Variants in ADGRL3 observed in about 807,000 individuals in gnomAD.
ADGRL3 encodes calcium-independent alpha-latrotoxin receptor 3.
Under a neutral mutation model 153.5 loss-of-function variants are expected in ADGRL3, and 62 were observed. The observed-to-expected ratio is 0.40, with a 90% confidence interval of 0.33 to 0.50. The LOEUF (loss-of-function observed/expected upper bound fraction) is 0.50, where lower values mean the gene tolerates loss of function less well. Ranked by LOEUF, ADGRL3 falls within the 20% of genes least tolerant of loss-of-function variation. ADGRL3 has a pLI of 0.47. For missense variants in ADGRL3, 1,641 were observed against 1,859.4 expected, an observed-to-expected ratio of 0.88 and a Z score of 2.16; for synonymous variants, 710 against 672.5, an observed-to-expected ratio of 1.06 and a Z score of -0.86.
intron 4 of ADGRL3, among the ~76,000 whole-genome samples, chr4:61,551,910 T>C (rs894462208): frequency 2.6e-5 from 4 of 152,198 alleles, no homozygotes; most frequent in African/African-American, 7.2e-5. Context: ...ACATATATTG[T>C]ATAAGACGCT....
intron 13 of ADGRL3, among the ~76,000 whole-genome samples, chr4:61,926,590 G>A (rs973608025): frequency 1.3e-5 from 2 of 152,106 alleles, no homozygotes; most frequent in Admixed American, 6.5e-5. Flanking sequence ...TAACTTCCCT[G>A]AGTCTCAATA....
chr4:61,346,621 A>G (rs960665069), intron 1 of ADGRL3, among the ~76,000 whole-genome samples: 8 of 151,540 alleles, frequency 5.3e-5, no homozygotes, highest in African/African-American at 1.7e-4. Flanking sequence ...TAGAAAAAAA[A>G]AAAAATAGCC....
intron 8 of ADGRL3, among the ~76,000 whole-genome samples, chr4:61,764,794 G>C (rs1381206895): frequency 6.6e-6 from 1 of 151,944 alleles, no homozygotes. Flanking sequence ...GAGAATGGTC[G>C]ATGTTTCTCA....
intron 4 of ADGRL3, among the ~76,000 whole-genome samples, chr4:61,542,804 A>T (rs920677265): frequency 3.9e-5 from 6 of 152,174 alleles, no homozygotes; most frequent in African/African-American, 1.4e-4. Context: ...CCTTCACCTC[A>T]CATCCTCTCT....
At chr4:62,035,095 C>T (rs1279512965) in intron 23 of ADGRL3, among the ~76,000 whole-genome samples, 1 of 151,916 alleles carries the variant, frequency 6.6e-6, no homozygotes, top group African/African-American at 2.4e-5. Context: ...GTTTCCTGGA[C>T]ATGGTCCATG....
chr4:61,442,893 A>G (rs940402821), intron 2 of ADGRL3, among the ~76,000 whole-genome samples: 10 of 152,134 alleles, frequency 6.6e-5, no homozygotes, highest in Admixed American at 6.5e-4. Flanking sequence ...TGATGGCCAG[A>G]AAGAGAGAGT....
In ADGRL3 at chr4:61,497,153, T is replaced by G. The variant is rs2098329046; in HGVS notation, c.-141T>G. ...ATTTGGGATATTGGTGTTTCTGTTT[T>G]GGAGAAATTATTCTTTTTCTTTTTA... is the stretch of plus-strand genomic sequence containing the variant. On this transcript the variant is annotated 5_prime_UTR_variant, in exon 3 of 27. Coordinates refer to ENST00000683033, the MANE Select transcript of ADGRL3 (RefSeq NM_001387552.1). 5 of 611,016 alleles carry G rather than the reference T, an allele frequency of 8.2e-6. No homozygotes were observed. Among genetic ancestry groups the G allele is most frequent in the Non-Finnish European group, 1.4e-5 (5 of 354,244 alleles). 37.8% of individuals were successfully genotyped at this position (611,016 alleles called of 1,614,324 possible).
chr4:61,336,856 T>A (rs1488074025), intron 1 of ADGRL3, among the ~76,000 whole-genome samples: 5 of 138,802 alleles, frequency 3.6e-5, no homozygotes, highest in Admixed American at 3.6e-4. Context: ...TTCTTACAGT[T>A]CCTTTTTTTT....
intron 4 of ADGRL3, among the ~76,000 whole-genome samples, chr4:61,560,384 A>G (rs569971979): frequency 4.6e-5 from 7 of 152,270 alleles, no homozygotes; most frequent in Admixed American, 4.6e-4. Flanking sequence ...CAAAGTAGAA[A>G]TTGTAAAAAA....
At chr4:61,414,988 A>G (rs933830161) in intron 2 of ADGRL3, among the ~76,000 whole-genome samples, 1 of 151,930 alleles carries the variant, frequency 6.6e-6, no homozygotes, top group African/African-American at 2.4e-5. Flanking sequence ...ATAGTTGGAA[A>G]ATGTGCAAAC....
At chr4:61,282,847 T>G (rs1380720244) in intron 1 of ADGRL3, among the ~76,000 whole-genome samples, 1 of 152,068 alleles carries the variant, frequency 6.6e-6, no homozygotes. Flanking sequence ...ATTAAATAAA[T>G]TTCAGTTAAA....
chr4:61,766,383 G>T (rs1394427115), intron 8 of ADGRL3, among the ~76,000 whole-genome samples: 1 of 152,172 alleles, frequency 6.6e-6, no homozygotes, highest in Non-Finnish European at 1.5e-5. Context: ...GGCAGCAGCT[G>T]CATGCAGACA....
intron 8 of ADGRL3, among the ~76,000 whole-genome samples, chr4:61,755,516 T>A (rs1259951576): frequency 6.6e-6 from 1 of 152,202 alleles, no homozygotes; most frequent in Non-Finnish European, 1.5e-5. Context: ...ATTCTGGATA[T>A]TAGCCCTTTG....
chr4:61,912,326 G>T (rs1200599313), intron 12 of ADGRL3, among the ~76,000 whole-genome samples: 1 of 152,100 alleles, frequency 6.6e-6, no homozygotes, highest in Non-Finnish European at 1.5e-5. Flanking sequence ...TGAAAAATGG[G>T]TTCCAAACTT....
At chr4:61,698,749 C>A (rs2095690949) in intron 6 of ADGRL3, among the ~76,000 whole-genome samples, 1 of 152,018 alleles carries the variant, frequency 6.6e-6, no homozygotes, top group Non-Finnish European at 1.5e-5. Context: ...TGTGTTGCAA[C>A]CTTTGATTGC....
chr4:61,697,865 A>G (rs980531022), intron 6 of ADGRL3, among the ~76,000 whole-genome samples: 1 of 152,210 alleles, frequency 6.6e-6, no homozygotes, highest in African/African-American at 2.4e-5. Context: ...CTTTATATTT[A>G]TCACTTAACC....
chr4:61,550,324 A>T (rs1488481633), intron 4 of ADGRL3, among the ~76,000 whole-genome samples: 1 of 152,038 alleles, frequency 6.6e-6, no homozygotes, highest in African/African-American at 2.4e-5. Flanking sequence ...GGCTACCTAG[A>T]TGTTGTTTTA....
At position 61,293,849 on chromosome 4, in the gene ADGRL3, G is replaced by C. The variant is rs189036070; in HGVS notation, c.-239-89275G>C. On this transcript the variant is annotated intron_variant, in intron 1 of 26. Coordinates refer to ENST00000683033, the MANE Select transcript of ADGRL3 (RefSeq NM_001387552.1). ...GACCTTCCTAATTATGTTACCTGGAGCAAGTAACTAAATCTCACTCTGCCA... is the reference window on the plus strand; with the variant it reads ...GACCTTCCTAATTATGTTACCTGGACCAAGTAACTAAATCTCACTCTGCCA... Among the ~76,000 whole-genome samples, 24 of 152,264 alleles carry C rather than the reference G, an allele frequency of 1.6e-4. No individual in the cohort carries two copies. The East Asian group carries it at 4.6e-3, about 29-fold the overall frequency.
intron 8 of ADGRL3, among the ~76,000 whole-genome samples, chr4:61,738,089 T>C (rs1198946670): frequency 6.6e-6 from 1 of 152,080 alleles, no homozygotes; most frequent in Non-Finnish European, 1.5e-5. Flanking sequence ...TCCCACCCTT[T>C]CCTCCAAGTC....
Sources: gnomAD v4.1 joint callset for allele counts (sites outside exome capture counted in the v4.1 genomes callset) on GRCh38, gnomAD v4.1.1 for gene constraint, MANE v1.5 for transcripts, NCBI Gene and HGNC (gene_info 2026-07-23, HGNC 2026-07-21) for gene names.